LIPA: variants seen among roughly 807,000 people sequenced by gnomAD.
LIPA encodes the protein lipase A, lysosomal acid type, also known as lysosomal acid lipase/cholesteryl ester hydrolase.
A neutral mutation model predicts 40.6 loss-of-function variants in LIPA; 26 were observed. The observed-to-expected ratio is 0.64, with a 90% CI of 0.47 to 0.89. The LOEUF (loss-of-function observed/expected upper bound fraction) is 0.89. LIPA is among the 40% of genes least tolerant of loss of function. The pLI, the probability that LIPA is intolerant of heterozygous loss-of-function variation, is 0.00. For missense variants in LIPA, 455 were observed against 479.6 expected, an observed-to-expected ratio of 0.95 and a Z score of 0.48; for synonymous variants, 188 against 168.4, an observed-to-expected ratio of 1.12 and a Z score of -0.90.
chr10:89,335,933 T>C (rs1843731633), intron 1 of LIPA, among the ~76,000 whole-genome samples: 1 of 152,196 alleles, frequency 6.6e-6, no homozygotes, highest in Non-Finnish European at 1.5e-5. Flanking sequence ...GACTTTTGAC[T>C]TGTAGTCCTT....
intron 1 of LIPA, among the ~76,000 whole-genome samples, chr10:89,327,237 G>A (rs1038413137): frequency 1.3e-5 from 2 of 152,170 alleles, no homozygotes; most frequent in African/African-American, 4.8e-5. Flanking sequence ...GGTTGTAAAT[G>A]TTTCTTAATA....
At chr10:89,298,670 C>T (rs1201554891) in intron 1 of LIPA, among the ~76,000 whole-genome samples, 1 of 152,086 alleles carries the variant, frequency 6.6e-6, no homozygotes, top group Non-Finnish European at 1.5e-5. Context: ...AGATCCCAAT[C>T]AAAAAGAAAT....
At chr10:89,222,477 A>C (rs1212302370) in intron 8 of LIPA, 34 bp downstream of exon 8, 11 of 1,379,284 alleles carry the variant, frequency 8.0e-6, no homozygotes, top group Non-Finnish European at 1.1e-5. Flanking sequence ...TGTTGATTTT[A>C]CATGAACCCC....
intron 1 of LIPA, among the ~76,000 whole-genome samples, chr10:89,257,720 G>A (rs1385525538): frequency 6.6e-6 from 1 of 152,152 alleles, no homozygotes; most frequent in Non-Finnish European, 1.5e-5. Context: ...TCTAAATAGA[G>A]GAGAAAAATG....
chr10:89,340,409 T>G (rs1214650781), intron 1 of LIPA: 2 of 211,240 alleles, frequency 9.5e-6, no homozygotes, highest in East Asian at 1.0e-4. Context: ...ATACAAAAAA[T>G]TAGCCAGGCG....
At chr10:89,326,014 T>C (rs1257363423) in intron 1 of LIPA, among the ~76,000 whole-genome samples, 2 of 152,178 alleles carry the variant, frequency 1.3e-5, no homozygotes, top group East Asian at 1.9e-4. Context: ...ATAACTACTA[T>C]GGATAACAGT....
intron 2 of LIPA, among the ~76,000 whole-genome samples, chr10:89,388,640 A>G (rs1440063139): frequency 6.6e-6 from 1 of 152,210 alleles, no homozygotes; most frequent in African/African-American, 2.4e-5. Context: ...TTTATCTTCA[A>G]AATATATACA....
intron 2 of LIPA, among the ~76,000 whole-genome samples, chr10:89,351,614 A>C (rs1167537396): frequency 1.3e-5 from 2 of 152,238 alleles, no homozygotes; most frequent in African/African-American, 4.8e-5. Flanking sequence ...GAGTCAGAAC[A>C]GGCAATTAGA....
chr10:89,290,219 C>T (rs112515702), intron 1 of LIPA, among the ~76,000 whole-genome samples: 1,592 of 152,234 alleles, frequency 0.01, 20 homozygotes, highest in African/African-American at 0.032. Flanking sequence ...CTGTTTTTCT[C>T]CTCCTCTTAT....
At chr10:89,349,809 CA>C (rs1843946960) in intron 2 of LIPA, among the ~76,000 whole-genome samples, 1 of 152,168 alleles carries the variant, frequency 6.6e-6, no homozygotes, top group Non-Finnish European at 1.5e-5. Context: ...CACCCCAAAA[CA>C]TGCCATTTTG....
At chr10:89,274,601 T>C (rs2151006) in intron 1 of LIPA, among the ~76,000 whole-genome samples, 69,878 of 152,042 alleles carry the variant, frequency 0.46, 16,633 homozygotes, top group East Asian at 0.81. Context: ...TTGACTGATG[T>C]CTGTCCCTTA....
At chr10:89,365,530 G>A (rs35833529) in intron 2 of LIPA, among the ~76,000 whole-genome samples, 39 of 151,970 alleles carry the variant, frequency 2.6e-4, no homozygotes, top group Non-Finnish European at 4.4e-4. Context: ...TTGCCCATGC[G>A]TATGTCCTGA....
chr10:89,412,699 AACAACTCCGG>A (rs1841483141), intron 2 of LIPA: 1 of 426,028 alleles, frequency 2.3e-6, no homozygotes, highest in Non-Finnish European at 4.6e-6. Flanking sequence ...GGGAGGAACG[AACAACTCCGG>A]ACGCGCCACC....
At chr10:89,382,529 A>G (rs1844170855) in intron 2 of LIPA, among the ~76,000 whole-genome samples, 1 of 152,132 alleles carries the variant, frequency 6.6e-6, no homozygotes, top group South Asian at 2.1e-4. Context: ...GATTACTACA[A>G]TTGTTGAGAT....
intron 3 of LIPA, among the ~76,000 whole-genome samples, chr10:89,232,089 T>G (rs1842849190): frequency 6.6e-6 from 1 of 152,150 alleles, no homozygotes; most frequent in East Asian, 1.9e-4. Context: ...GCAGTGTAAG[T>G]GACAATTATA....
chr10:89,337,174 T>C (rs1392127698), intron 1 of LIPA, among the ~76,000 whole-genome samples: 3 of 152,178 alleles, frequency 2.0e-5, no homozygotes, highest in Non-Finnish European at 4.4e-5. Flanking sequence ...ACATAACATG[T>C]TGGCAGACAT....
rs1031754441 is a variant in LIPA, at chr10:89,373,108, C to T, written c.61+39683G>A. On this transcript the variant is annotated intron_variant, in intron 2 of 8. Coordinates refer to the LIPA transcript ENST00000371837. ...CAGCACTTTGGGAGGCAGAGGCGGG[C>T]GGATCATGAGGTCAGGAGATCGAGA... 2.6e-5 allele frequency among the ~76,000 whole-genome samples: 4 copies of T among 151,306 alleles called. No individual in the cohort carries two copies. The East Asian group carries it at 5.9e-4, about 22-fold the overall frequency.
chr10:89,354,072 TCG>T, intron 2 of LIPA, among the ~76,000 whole-genome samples: 2 of 152,186 alleles, frequency 1.3e-5, no homozygotes, highest in Non-Finnish European at 2.9e-5. Flanking sequence ...TTCCCCTCAG[TCG>T]ATTTCTTTCT....
chr10:89,306,277 G>A lies in LIPA; in HGVS notation c.-2+36334C>T, dbSNP rs1366004367. ...ACTATGCCTGGGTCTACTATCACAT[G>A]GGCCGACTCTCAGACGTTCAGATTT... On this transcript the variant is annotated intron_variant, in intron 1 of 5. Transcript: ENST00000282673. 5.6e-6 allele frequency: 9 copies of A among 1,614,130 alleles called. No individual in the cohort carries two copies. The South Asian group carries it at 8.8e-5, about 16-fold the overall frequency.
Sources: allele counts gnomAD v4.1 joint callset (sites outside exome capture counted in the v4.1 genomes callset), GRCh38; gene constraint gnomAD v4.1.1; transcripts MANE v1.5; gene names NCBI Gene and HGNC (gene_info 2026-07-23, HGNC 2026-07-21).